Variants in AFDN observed in about 807,000 individuals in gnomAD.
AFDN encodes the protein afadin.
Under a neutral mutation model 216.6 loss-of-function variants are expected in AFDN, and 68 were observed. That is an observed-to-expected ratio of 0.31 (90% CI 0.26 to 0.38). The LOEUF is 0.38. Among genes scored for constraint, AFDN ranks in the 10% least tolerant of loss-of-function variants. The pLI, the probability that AFDN is intolerant of heterozygous loss-of-function variation, is 1.00. For synonymous variants in AFDN, 868 were observed against 853.7 expected (o/e 1.02, Z -0.29); for missense variants, 2,136 against 2,342.0 (o/e 0.91, Z 1.82).
chr6:167,867,248 A>G (rs934405936), intron 2 of AFDN, among the ~76,000 whole-genome samples: 17 of 152,140 alleles, frequency 1.1e-4, no homozygotes, highest in African/African-American at 4.1e-4. Context: ...TGCAACAAGA[A>G]CGATTTGGTA....
Position 167,947,821 on chromosome 6 carries a change from AC to A in AFDN, c.3554-31del, listed in dbSNP as rs546717610. 5.9e-5 allele frequency: 82 copies of A among 1,392,326 alleles called. No individual in the cohort carries two copies. In the African/African-American group the frequency reaches 8.1e-4, roughly 14 times the overall value. 86.2% of individuals were successfully genotyped at this position (1,392,326 alleles called of 1,614,324 possible). ...ATATATAGGTTGTTTATTTAATATT[AC>A]ACTTTTTTTTTTCCCCCCTGACTTG... is the stretch of plus-strand genomic sequence containing the variant. On this transcript the variant is annotated intron_variant, in intron 27 of 33. Transcript: ENST00000683244.
intron 29 of AFDN, among the ~76,000 whole-genome samples, chr6:167,949,111 G>A (rs978155023): frequency 3.3e-5 from 5 of 152,196 alleles, no homozygotes; most frequent in Admixed American, 6.5e-5. Flanking sequence ...ATTAGTAGAC[G>A]GGTGATGCCA....
intron 5 of AFDN, 88 bp downstream of exon 5, chr6:167,875,583 A>C: frequency 7.4e-7 from 1 of 1,349,790 alleles, no homozygotes; most frequent in Non-Finnish European, 1.0e-6. Context: ...GCTTTAACTA[A>C]AGCAATGGGT....
chr6:167,853,280 G>A (rs1256994872), intron 1 of AFDN, among the ~76,000 whole-genome samples: 1 of 151,800 alleles, frequency 6.6e-6, no homozygotes, highest in African/African-American at 2.4e-5. Flanking sequence ...ACTACCTGTT[G>A]GCTTTATTGT....
chr6:167,882,184 AACAG>A (rs1786199567), intron 6 of AFDN, among the ~76,000 whole-genome samples: 2 of 152,284 alleles, frequency 1.3e-5, no homozygotes, highest in Non-Finnish European at 2.9e-5. Context: ...TGGAAAAAGA[AACAG>A]ACGGAGAAAG....
chr6:167,943,600 G>T, intron 25 of AFDN, 125 bp downstream of exon 25: 1 of 734,108 alleles, frequency 1.4e-6, no homozygotes, highest in Middle Eastern at 3.2e-4. Flanking sequence ...ACCTTTTATA[G>T]TGTACGTGAC....
intron 1 of AFDN, among the ~76,000 whole-genome samples, chr6:167,841,832 C>T (rs1450409846): frequency 1.3e-5 from 2 of 151,908 alleles, no homozygotes; most frequent in Non-Finnish European, 2.9e-5. Context: ...TGGATTCTCA[C>T]CGATGCCTTT....
At chr6:167,834,993 G>GA (rs1192569236) in intron 1 of AFDN, among the ~76,000 whole-genome samples, 1 of 152,070 alleles carries the variant, frequency 6.6e-6, no homozygotes, top group African/African-American at 2.4e-5. Context: ...TCTCAAAAAA[G>GA]AAAAACATTT....
rs150601242 is a variant in AFDN, at chr6:167,962,556, G to A, written c.4957G>A (p.Ala1653Thr). 4.3e-6 allele frequency: 7 copies of A among 1,613,918 alleles called. No individual in the cohort carries two copies. In the East Asian group the frequency reaches 6.7e-5, roughly 15 times the overall value. ...RQEEERTKRD[A>T]EEKRRQEEGY... ...GGAGGAGGAGCGAACAAAACGAGAC[G>A]CTGAAGAAAAGGTTATGGTCCTTTA... is the stretch of plus-strand genomic sequence containing the variant. Residue 1653 changes from alanine to threonine, a missense_variant, in exon 31 of 34, where the codon GCT becomes ACT. Transcript: ENST00000683244. The surrounding 1 kb of genome is among the most constrained non-coding windows in gnomAD (Gnocchi z 5.2).
At chr6:167,838,817 A>C (rs1246220892) in intron 1 of AFDN, among the ~76,000 whole-genome samples, 1 of 152,170 alleles carries the variant, frequency 6.6e-6, no homozygotes, top group African/African-American at 2.4e-5. Flanking sequence ...TTCTTTCATG[A>C]ATCATGGGTG....
intron 29 of AFDN, among the ~76,000 whole-genome samples, chr6:167,950,433 CTG>C (rs1795841819): frequency 6.9e-6 from 1 of 145,340 alleles, no homozygotes; most frequent in African/African-American, 2.6e-5. Flanking sequence ...TCATTTCTCT[CTG>C]TCTCTCACAG....
intron 1 of AFDN, among the ~76,000 whole-genome samples, chr6:167,839,009 T>C (rs961489734): frequency 3.8e-4 from 58 of 152,230 alleles, no homozygotes; most frequent in African/African-American, 9.9e-4. Context: ...TAGATTCTTG[T>C]GGCCAATATT....
At chr6:167,914,584 C>T (rs1474502055) in intron 17 of AFDN, 60 bp from the exon 18 acceptor site, 18 of 1,245,108 alleles carry the variant, frequency 1.4e-5, no homozygotes, top group Admixed American at 5.4e-5. Flanking sequence ...CATGTGATAA[C>T]ATGTCTGACA....
At chr6:167,836,191 C>A (rs1357841470) in intron 1 of AFDN, among the ~76,000 whole-genome samples, 1 of 152,280 alleles carries the variant, frequency 6.6e-6, no homozygotes, top group South Asian at 2.1e-4. Flanking sequence ...CTAAGCCACA[C>A]CTACTTATGG....
chr6:167,905,425 C>T (rs562992505), intron 12 of AFDN, among the ~76,000 whole-genome samples: 1 of 152,252 alleles, frequency 6.6e-6, no homozygotes, highest in South Asian at 2.1e-4. Context: ...AATGTGTAGT[C>T]CACAAAGAAG....
intron 21 of AFDN, among the ~76,000 whole-genome samples, chr6:167,921,348 A>G (rs1367248938): frequency 6.6e-6 from 1 of 152,238 alleles, no homozygotes; most frequent in Non-Finnish European, 1.5e-5. Context: ...AGGCATCACC[A>G]CATTACTTCA....
intron 1 of AFDN, among the ~76,000 whole-genome samples, chr6:167,834,457 GTTTTTTTT>G (rs11446838): frequency 2.7e-5 from 2 of 75,250 alleles, no homozygotes; most frequent in Non-Finnish European, 4.7e-5. Context: ...TGTTGTTTCG[GTTTTTTTT>G]TTTTTTTTTT....
intron 11 of AFDN, among the ~76,000 whole-genome samples, chr6:167,900,115 T>C (rs1788755759): frequency 6.6e-6 from 1 of 152,228 alleles, no homozygotes. Context: ...TTTGTTACTA[T>C]TGTTAGGTAT....
chr6:167,846,715 T>G (rs1781727518), intron 1 of AFDN, among the ~76,000 whole-genome samples: 1 of 131,266 alleles, frequency 7.6e-6, no homozygotes. Context: ...ACCAAGTTGT[T>G]TTTTTTTTTT....
Sources: gnomAD v4.1 joint callset for allele counts (sites outside exome capture counted in the v4.1 genomes callset) on GRCh38, gnomAD v4.1.1 for gene constraint, Gnocchi (gnomAD v3.1) non-coding constraint, MANE v1.5 for transcripts, NCBI Gene and HGNC (gene_info 2026-07-23, HGNC 2026-07-21) for gene names.